Variants in CIMAP3 observed in about 807,000 individuals in gnomAD.
CIMAP3 encodes the protein ciliary microtubule associated protein 3.
At chr1:111,350,111 G>A in the CIMAP3 span, 6 of 1,611,804 alleles carry the variant, frequency 3.7e-6, no homozygotes, top group East Asian at 6.7e-5. Flanking sequence ...TCTAGCCCTG[G>A]TGCATACAAC....
the CIMAP3 span, chr1:111,348,443 T>C: frequency 1.5e-6 from 2 of 1,372,208 alleles, no homozygotes; most frequent in Non-Finnish European, 1.9e-6. Flanking sequence ...TTCTGTTTTT[T>C]CTACCTGGAA....
At chr1:111,348,500 T>C in the CIMAP3 span, 1 of 1,587,548 alleles carries the variant, frequency 6.3e-7, no homozygotes, top group Non-Finnish European at 8.5e-7. Flanking sequence ...CATAATGATC[T>C]TTTTCTTGGA....
the CIMAP3 span, among the ~76,000 whole-genome samples, chr1:111,325,072 C>T: frequency 1.3e-5 from 2 of 152,192 alleles, no homozygotes; most frequent in Non-Finnish European, 2.9e-5. Flanking sequence ...CAGCTCCCAT[C>T]TTAATAAACC....
the CIMAP3 span, among the ~76,000 whole-genome samples, chr1:111,329,516 CATATAT>C: frequency 0.043 from 4,491 of 105,634 alleles, 115 homozygotes; most frequent in South Asian, 0.058. Flanking sequence ...CACATAAACC[CATATAT>C]ATATATATAT....
At chr1:111,348,466 A>C in the CIMAP3 span, 1 of 1,503,272 alleles carries the variant, frequency 6.7e-7, no homozygotes, top group Non-Finnish European at 8.9e-7. Context: ...CTTTATGTGT[A>C]TATATATACA....
the CIMAP3 span, among the ~76,000 whole-genome samples, chr1:111,335,893 C>T: frequency 6.6e-6 from 1 of 152,224 alleles, no homozygotes; most frequent in Non-Finnish European, 1.5e-5. Context: ...GGGCAGACTG[C>T]CTCCTCAAGT....
chr1:111,347,646 T>G, the CIMAP3 span: 2 of 1,386,718 alleles, frequency 1.4e-6, no homozygotes, highest in Non-Finnish European at 2.0e-6. Flanking sequence ...TTGGTGTTTT[T>G]GTTTGTTTTT....
chr1:111,337,275 A>G, the CIMAP3 span, among the ~76,000 whole-genome samples: 51 of 152,358 alleles, frequency 3.3e-4, no homozygotes, highest in Non-Finnish European at 7.3e-5. Flanking sequence ...GAGACTAGGA[A>G]GAAACTGCAT....
chr1:111,335,165 A>G, the CIMAP3 span, among the ~76,000 whole-genome samples: 1 of 151,370 alleles, frequency 6.6e-6, no homozygotes. Flanking sequence ...ACAGAAAAAA[A>G]AAGAAACAGA....
At chr1:111,350,954 A>C in the CIMAP3 span, among the ~76,000 whole-genome samples, 4 of 152,250 alleles carry the variant, frequency 2.6e-5, no homozygotes, top group African/African-American at 9.6e-5. Flanking sequence ...ACATTATTGC[A>C]TTAGGGCCTA....
chr1:111,344,439 C>T, the CIMAP3 span, among the ~76,000 whole-genome samples: 2 of 152,154 alleles, frequency 1.3e-5, no homozygotes, highest in African/African-American at 4.8e-5. Flanking sequence ...TGCTTCTTAG[C>T]CAGCTTTTTA....
chr1:111,348,718 A>G, the CIMAP3 span: 3 of 1,419,248 alleles, frequency 2.1e-6, no homozygotes, highest in Non-Finnish European at 1.9e-6. Context: ...TAATAAAAGA[A>G]GCACATAAAG....
the CIMAP3 span, among the ~76,000 whole-genome samples, chr1:111,325,065 C>T: frequency 6.6e-6 from 1 of 152,186 alleles, no homozygotes; most frequent in Non-Finnish European, 1.5e-5. Context: ...CAAGGGCCAG[C>T]TCCCATCTTA....
the CIMAP3 span, chr1:111,351,436 T>G: frequency 1.0e-6 from 1 of 977,176 alleles, no homozygotes; most frequent in Non-Finnish European, 1.5e-6. Context: ...TCTGGCAGCC[T>G]GGAGCCCAGG....
the CIMAP3 span, chr1:111,346,689 G>A: frequency 1.2e-6 from 2 of 1,612,074 alleles, no homozygotes; most frequent in Non-Finnish European, 1.7e-6. Context: ...GGGCTGCCGA[G>A]AAGCCTAGAG....
the CIMAP3 span, chr1:111,350,204 AAAG>A: frequency 6.2e-7 from 1 of 1,611,902 alleles, no homozygotes; most frequent in Non-Finnish European, 8.5e-7. Context: ...TGTCTACAGA[AAAG>A]AACCCTAAAA....
At chr1:111,347,231 A>G in the CIMAP3 span, among the ~76,000 whole-genome samples, 1 of 152,102 alleles carries the variant, frequency 6.6e-6, no homozygotes, top group Non-Finnish European at 1.5e-5. Context: ...TTAAAGGATT[A>G]TTGCTCCCCG....
chr1:111,335,164 A>G, the CIMAP3 span, among the ~76,000 whole-genome samples: 1 of 149,854 alleles, frequency 6.7e-6, no homozygotes, highest in South Asian at 2.2e-4. Flanking sequence ...GACAGAAAAA[A>G]AAAGAAACAG....
chr1:111,328,790 C>T, the CIMAP3 span, among the ~76,000 whole-genome samples: 5 of 152,144 alleles, frequency 3.3e-5, no homozygotes, highest in Non-Finnish European at 5.9e-5. Flanking sequence ...TTAGGTCTTG[C>T]TTTTTTATCC....
Sources: gnomAD v4.1 joint callset for allele counts (sites outside exome capture counted in the v4.1 genomes callset) on GRCh38, gnomAD v4.1.1 for gene constraint, MANE v1.5 for transcripts, NCBI Gene and HGNC (gene_info 2026-07-23, HGNC 2026-07-21) for gene names.